Variants in LOC400499 observed in about 807,000 individuals in gnomAD.
the LOC400499 span, among the ~76,000 whole-genome samples, chr16:11,426,220 G>A: frequency 6.6e-6 from 1 of 151,990 alleles, no homozygotes; most frequent in African/African-American, 2.4e-5. Context: ...CAGATCACTT[G>A]AGGTCAGGAG....
At chr16:11,505,441 T>G in the LOC400499 span, among the ~76,000 whole-genome samples, 1 of 132,860 alleles carries the variant, frequency 7.5e-6, no homozygotes, top group Non-Finnish European at 1.6e-5. Context: ...TTAATTTTTC[T>G]TTTCTTTTTT....
chr16:11,456,848 C>T, the LOC400499 span: 13 of 1,536,284 alleles, frequency 8.5e-6, no homozygotes, highest in South Asian at 1.1e-4. Flanking sequence ...GGCCCCACAG[C>T]CAACACTCAC....
the LOC400499 span, among the ~76,000 whole-genome samples, chr16:11,420,973 C>T: frequency 2.0e-5 from 3 of 152,218 alleles, no homozygotes; most frequent in East Asian, 5.8e-4. Context: ...GGGCCCAGGG[C>T]TGGACTTGTC....
chr16:11,388,028 C>G, the LOC400499 span, among the ~76,000 whole-genome samples: 31 of 152,142 alleles, frequency 2.0e-4, no homozygotes, highest in African/African-American at 7.0e-4. Flanking sequence ...GGGATGTCAG[C>G]TCACATGGGG....
chr16:11,381,731 C>T, the LOC400499 span, among the ~76,000 whole-genome samples: 6 of 152,270 alleles, frequency 3.9e-5, no homozygotes, highest in East Asian at 7.7e-4. Context: ...TAACCTCATG[C>T]TTATTTTCTC....
the LOC400499 span, chr16:11,417,824 G>C: frequency 5.8e-5 from 23 of 398,734 alleles, no homozygotes; most frequent in African/African-American, 2.5e-4. Context: ...CTGCCATTGT[G>C]AATGTCCACA....
the LOC400499 span, among the ~76,000 whole-genome samples, chr16:11,457,452 G>C: frequency 2.6e-5 from 4 of 151,970 alleles, no homozygotes; most frequent in Non-Finnish European, 1.5e-5. Flanking sequence ...AATTAGCCGG[G>C]CATGGTGGTG....
At chr16:11,480,691 G>A in the LOC400499 span, among the ~76,000 whole-genome samples, 1 of 152,138 alleles carries the variant, frequency 6.6e-6, no homozygotes, top group Non-Finnish European at 1.5e-5. Flanking sequence ...CTAGGTGTAC[G>A]CCCGACAGGT....
At chr16:11,512,592 C>T in the LOC400499 span, among the ~76,000 whole-genome samples, 1 of 152,174 alleles carries the variant, frequency 6.6e-6, no homozygotes, top group Non-Finnish European at 1.5e-5. Flanking sequence ...CAAAGCAAGC[C>T]TCCATCTCAA....
the LOC400499 span, among the ~76,000 whole-genome samples, chr16:11,416,559 C>T: frequency 1.3e-5 from 2 of 152,172 alleles, no homozygotes; most frequent in Non-Finnish European, 2.9e-5. Flanking sequence ...TCATCCCTGC[C>T]CTCACAGAGC....
the LOC400499 span, among the ~76,000 whole-genome samples, chr16:11,510,877 G>C: frequency 8.4e-4 from 128 of 151,622 alleles, 2 homozygotes; most frequent in Non-Finnish European, 7.7e-4. Flanking sequence ...ACTTCAAGGA[G>C]GGATAAAGTC....
the LOC400499 span, chr16:11,472,356 C>T: frequency 6.6e-6 from 1 of 152,162 alleles, no homozygotes; most frequent in Non-Finnish European, 1.5e-5. Flanking sequence ...CCACGCCTGG[C>T]TAATTTTTGT....
the LOC400499 span, among the ~76,000 whole-genome samples, chr16:11,422,440 CGGAAAGGAAA>C: frequency 4.6e-5 from 7 of 151,042 alleles, no homozygotes; most frequent in Admixed American, 2.6e-4. Context: ...CAGAACGGAA[CGGAAAGGAAA>C]GGAAAGGAAA....
chr16:11,492,136 A>G, the LOC400499 span, among the ~76,000 whole-genome samples: 1 of 152,212 alleles, frequency 6.6e-6, no homozygotes, highest in South Asian at 2.1e-4. Context: ...CGAAAACAGC[A>G]TAGTGTCTCG....
the LOC400499 span, chr16:11,494,727 C>T: frequency 1.5e-5 from 6 of 399,096 alleles, no homozygotes; most frequent in Admixed American, 8.8e-5. Flanking sequence ...CCCAGGAAGG[C>T]GCCAGGGCTG....
chr16:11,392,789 T>C, the LOC400499 span: 4 of 984,070 alleles, frequency 4.1e-6, no homozygotes, highest in South Asian at 4.7e-5. Flanking sequence ...GGATCACAGC[T>C]CACTCCCAGC....
the LOC400499 span, among the ~76,000 whole-genome samples, chr16:11,444,662 A>C: frequency 7.9e-5 from 12 of 152,206 alleles, no homozygotes; most frequent in South Asian, 1.7e-3. Context: ...ATGGGTGTTA[A>C]ATAACATCAT....
the LOC400499 span, among the ~76,000 whole-genome samples, chr16:11,470,288 G>T: frequency 6.6e-6 from 1 of 152,066 alleles, no homozygotes; most frequent in Non-Finnish European, 1.5e-5. Context: ...GTCACCTGAG[G>T]GCTTCAGAAC....
the LOC400499 span, among the ~76,000 whole-genome samples, chr16:11,433,903 C>T: frequency 3.3e-5 from 5 of 152,200 alleles, no homozygotes; most frequent in Non-Finnish European, 7.3e-5. Context: ...ATCATATCCT[C>T]TATAATCAAT....
Sources: gnomAD v4.1 joint callset for allele counts (sites outside exome capture counted in the v4.1 genomes callset) on GRCh38, gnomAD v4.1.1 for gene constraint, MANE v1.5 for transcripts.